Variants in ZPLD1 observed in about 807,000 individuals in gnomAD.
ZPLD1 encodes the protein zona pellucida-like domain-containing protein 1.
Under a neutral mutation model 47.2 loss-of-function variants are expected in ZPLD1, and 34 were observed. That is an observed-to-expected ratio of 0.72 (90% confidence interval 0.55 to 0.96). ZPLD1 has a LOEUF of 0.96. Among genes scored for constraint, ZPLD1 ranks in the 40% least tolerant of loss-of-function variants. The pLI is 0.00. For missense variants in ZPLD1, 512 were observed against 505.8 expected (o/e 1.01, Z -0.12); for synonymous variants, 176 against 186.2 (o/e 0.95, Z 0.45).
intron 7 of ZPLD1, among the ~76,000 whole-genome samples, chr3:102,416,335 A>G (rs1256219331): frequency 6.6e-6 from 1 of 151,988 alleles, no homozygotes; most frequent in East Asian, 1.9e-4. Context: ...TTCAATATTT[A>G]TGAAATGCTC....
intron 7 of ZPLD1, among the ~76,000 whole-genome samples, chr3:102,405,848 G>T (rs577528660): frequency 2.0e-5 from 3 of 151,900 alleles, no homozygotes; most frequent in African/African-American, 4.8e-5. Flanking sequence ...CTAACCAGCC[G>T]GTGACCTTGG....
intron 1 of ZPLD1, among the ~76,000 whole-genome samples, chr3:102,435,799 C>T (rs1265880860): frequency 1.3e-5 from 2 of 152,092 alleles, no homozygotes; most frequent in African/African-American, 2.4e-5. Context: ...CCCGCCACCA[C>T]GCCCGGCTAA....
At chr3:102,459,919 G>A (rs1260888099) in intron 6 of ZPLD1, among the ~76,000 whole-genome samples, 1 of 152,016 alleles carries the variant, frequency 6.6e-6, no homozygotes, top group Non-Finnish European at 1.5e-5. Flanking sequence ...TATGGGTTTT[G>A]ACAAATATAA....
intron 7 of ZPLD1, among the ~76,000 whole-genome samples, chr3:102,409,849 G>C (rs1383543449): frequency 6.6e-6 from 1 of 151,772 alleles, no homozygotes. Flanking sequence ...TAAACTTGCA[G>C]GATCACATGG....
chr3:102,415,465 CA>C (rs1391442568), intron 7 of ZPLD1, among the ~76,000 whole-genome samples: 1 of 151,230 alleles, frequency 6.6e-6, no homozygotes, highest in Non-Finnish European at 1.5e-5. Context: ...CATTGTAAAG[CA>C]AAAAAAGGAG....
At chr3:102,421,377 A>G (rs895436926) in intron 8 of ZPLD1, among the ~76,000 whole-genome samples, 1 of 151,892 alleles carries the variant, frequency 6.6e-6, no homozygotes, top group Non-Finnish European at 1.5e-5. Context: ...GTAATTTATC[A>G]TGATTTTCAT....
intron 10 of ZPLD1, among the ~76,000 whole-genome samples, chr3:102,472,829 T>C (rs188914774): frequency 1.3e-5 from 2 of 152,356 alleles, no homozygotes; most frequent in Admixed American, 1.3e-4. Flanking sequence ...TATGCAAAAC[T>C]AAGTATTACA....
chr3:102,472,305 G>A (rs1461403445), intron 10 of ZPLD1, among the ~76,000 whole-genome samples: 1 of 152,174 alleles, frequency 6.6e-6, no homozygotes, highest in Admixed American at 6.5e-5. Flanking sequence ...GCTGAGGGGG[G>A]TGGATAACCT....
chr3:102,398,874 GCACGCACA>G (rs1264525594), intron 7 of ZPLD1, among the ~76,000 whole-genome samples: 1 of 144,956 alleles, frequency 6.9e-6, no homozygotes. Context: ...TTATGCGTGC[GCACGCACA>G]CACACACACA....
chr3:102,448,772 A>G (rs1376439597), intron 3 of ZPLD1, among the ~76,000 whole-genome samples: 1 of 152,234 alleles, frequency 6.6e-6, no homozygotes, highest in Non-Finnish European at 1.5e-5. Flanking sequence ...TATTCTAAGC[A>G]TTAATTAATC....
chr3:102,471,176 C>T (rs1204859455), intron 10 of ZPLD1, among the ~76,000 whole-genome samples: 1 of 152,272 alleles, frequency 6.6e-6, no homozygotes, highest in East Asian at 1.9e-4. Context: ...GCCTCTAGCT[C>T]CCTTGCCCTC....
At chr3:102,474,990 G>T (rs941781415) in intron 10 of ZPLD1, among the ~76,000 whole-genome samples, 4 of 151,320 alleles carry the variant, frequency 2.6e-5, no homozygotes, top group Admixed American at 6.6e-5. Context: ...GATTTTTTTT[G>T]TTTGTTTGTT....
At chr3:102,430,878 A>G (rs552906533), upstream of ZPLD1, among the ~76,000 whole-genome samples, 1 of 152,324 alleles carries the variant, frequency 6.6e-6, no homozygotes, top group Admixed American at 6.5e-5. Flanking sequence ...AATTAAGATA[A>G]CTAGTAAAAT....
At chr3:102,414,603 A>G (rs912143461) in intron 7 of ZPLD1, among the ~76,000 whole-genome samples, 1 of 151,910 alleles carries the variant, frequency 6.6e-6, no homozygotes, top group African/African-American at 2.4e-5. Context: ...AAGTTATTCA[A>G]TATCAGTTAC....
At chr3:102,438,629 T>C (rs189843915) in intron 3 of ZPLD1, 36 bp downstream of exon 3, 6 of 1,495,812 alleles carry the variant, frequency 4.0e-6, no homozygotes, top group Admixed American at 1.7e-5. Context: ...TAGTTGTTTC[T>C]GGAAGAGTGA....
At chr3:102,432,714 ATTT>A (rs924013339), upstream of ZPLD1, among the ~76,000 whole-genome samples, 1 of 152,084 alleles carries the variant, frequency 6.6e-6, no homozygotes. Flanking sequence ...GTTAATGCAG[ATTT>A]TTAAAGTGTC....
At chr3:102,443,256 C>T (rs1038235897) in intron 3 of ZPLD1, among the ~76,000 whole-genome samples, 4 of 152,102 alleles carry the variant, frequency 2.6e-5, no homozygotes, top group Non-Finnish European at 5.9e-5. Context: ...CATGTGATTT[C>T]GTATTATGCT....
chr3:102,470,217 A>T (rs1390321769), intron 9 of ZPLD1, among the ~76,000 whole-genome samples, 177 bp from the exon 10 acceptor site: 1 of 152,256 alleles, frequency 6.6e-6, no homozygotes, highest in Non-Finnish European at 1.5e-5. Flanking sequence ...ATGTGGCCCA[A>T]GCCAGGGTAA....
chr3:102,462,040 C>T (rs1486314163), intron 6 of ZPLD1, among the ~76,000 whole-genome samples: 2 of 151,992 alleles, frequency 1.3e-5, no homozygotes, highest in Non-Finnish European at 2.9e-5. Context: ...GAACATTAGC[C>T]ACCATATATG....
Sources: gnomAD v4.1 joint callset for allele counts (sites outside exome capture counted in the v4.1 genomes callset) on GRCh38, gnomAD v4.1.1 for gene constraint, MANE v1.5 for transcripts, NCBI Gene and HGNC (gene_info 2026-07-23, HGNC 2026-07-21) for gene names.